The following ROR1 variants were observed in gnomAD, a reference collection of about 807,000 sequenced individuals.
ROR1 encodes inactive tyrosine-protein kinase transmembrane receptor ROR1.
A neutral mutation model predicts 78.8 loss-of-function variants in ROR1; 19 were observed. The observed-to-expected ratio is 0.24, with a 90% confidence interval of 0.17 to 0.35. The LOEUF (loss-of-function observed/expected upper bound fraction) is 0.35, where lower values mean the gene tolerates loss of function less well. ROR1 is among the 10% of genes least tolerant of loss of function. The probability of loss-of-function intolerance (pLI) is 1.00; values close to 1 mark genes in which losing one functional copy is unlikely to be tolerated. For synonymous variants in ROR1, 386 were observed against 433.6 expected (o/e 0.89, Z 1.36); for missense variants, 917 against 1,177.8 (o/e 0.78, Z 3.24).
chr1:63,776,962 T>A (rs911595766), intron 1 of ROR1, among the ~76,000 whole-genome samples: 1 of 152,218 alleles, frequency 6.6e-6, no homozygotes, highest in African/African-American at 2.4e-5. Flanking sequence ...GCTCAGGAAA[T>A]CAGCTTAAGC....
intron 1 of ROR1, among the ~76,000 whole-genome samples, chr1:63,856,767 G>A (rs2051448294): frequency 6.6e-6 from 1 of 152,044 alleles, no homozygotes; most frequent in Non-Finnish European, 1.5e-5. Context: ...CAATTATCCT[G>A]TTACTCCAAC....
intron 1 of ROR1, among the ~76,000 whole-genome samples, chr1:63,791,178 G>C (rs1644723894): frequency 6.6e-6 from 1 of 152,134 alleles, no homozygotes; most frequent in African/African-American, 2.4e-5. Context: ...GGGGCTACAG[G>C]ATTATCTGCT....
chr1:63,977,678 A>T (rs1464236804), intron 1 of ROR1, among the ~76,000 whole-genome samples: 1 of 152,126 alleles, frequency 6.6e-6, no homozygotes, highest in Non-Finnish European at 1.5e-5. Flanking sequence ...TCACCATGTG[A>T]TTGTGCCTTG....
At chr1:64,062,792 A>G (rs545773147) in intron 4 of ROR1, among the ~76,000 whole-genome samples, 1 of 152,330 alleles carries the variant, frequency 6.6e-6, no homozygotes, top group South Asian at 2.1e-4. Context: ...CACAACAAAC[A>G]TAGCTAATGA....
At chr1:64,133,010 G>T (rs1648976753) in intron 4 of ROR1, among the ~76,000 whole-genome samples, 1 of 152,104 alleles carries the variant, frequency 6.6e-6, no homozygotes. Context: ...TGGCCTGTCA[G>T]TGGTAAGGTG....
At chr1:63,832,714 T>C (rs1644995556) in intron 1 of ROR1, among the ~76,000 whole-genome samples, 3 of 152,268 alleles carry the variant, frequency 2.0e-5, no homozygotes. Flanking sequence ...AGCTGATTGA[T>C]GTATTCAGAA....
intron 4 of ROR1, among the ~76,000 whole-genome samples, chr1:64,116,457 C>A (rs1476443945): frequency 6.6e-6 from 1 of 152,212 alleles, no homozygotes; most frequent in African/African-American, 2.4e-5. Context: ...AAGAATACCC[C>A]TTTTTAAATG....
intron 1 of ROR1, among the ~76,000 whole-genome samples, chr1:63,849,962 C>T (rs1055434849): frequency 6.6e-6 from 1 of 152,020 alleles, no homozygotes; most frequent in Non-Finnish European, 1.5e-5. Context: ...CCCAGTGTAC[C>T]CCTCCTAAAT....
intron 4 of ROR1, among the ~76,000 whole-genome samples, chr1:64,071,176 G>A (rs775934263): frequency 6.6e-6 from 1 of 152,210 alleles, no homozygotes. Context: ...ACTTAGCTGT[G>A]CAAGCCAGTG....
At chr1:63,818,181 C>T (rs1431157226) in intron 1 of ROR1, among the ~76,000 whole-genome samples, 3 of 152,260 alleles carry the variant, frequency 2.0e-5, no homozygotes, top group East Asian at 3.9e-4. Context: ...TTACTCTTCT[C>T]ATATACCCTA....
intron 1 of ROR1, among the ~76,000 whole-genome samples, chr1:63,820,926 A>C (rs1222493752): frequency 6.6e-6 from 1 of 152,186 alleles, no homozygotes; most frequent in Non-Finnish European, 1.5e-5. Context: ...AATCTCTGAC[A>C]TGTAAGCCCT....
At chr1:64,030,750 A>G (rs186825593) in intron 2 of ROR1, among the ~76,000 whole-genome samples, 5 of 152,336 alleles carry the variant, frequency 3.3e-5, no homozygotes, top group Non-Finnish European at 5.9e-5. Context: ...AAATAGACCT[A>G]TAAAACCTAA....
intron 4 of ROR1, among the ~76,000 whole-genome samples, chr1:64,134,275 A>C (rs560225949): frequency 6.6e-5 from 10 of 152,320 alleles, no homozygotes; most frequent in African/African-American, 2.2e-4. Context: ...AAAACTTAGC[A>C]GTATCTGATA....
chr1:64,103,054 T>C (rs1036790103), intron 4 of ROR1, among the ~76,000 whole-genome samples: 1 of 152,194 alleles, frequency 6.6e-6, no homozygotes, highest in African/African-American at 2.4e-5. Flanking sequence ...GCTCTTCTTA[T>C]GAACATCTGG....
At chr1:63,951,853 C>G (rs1645942038) in intron 1 of ROR1, among the ~76,000 whole-genome samples, 1 of 151,966 alleles carries the variant, frequency 6.6e-6, no homozygotes, top group African/African-American at 2.4e-5. Flanking sequence ...TTGGTGTAGT[C>G]TAAGAGCCTT....
intron 1 of ROR1, among the ~76,000 whole-genome samples, chr1:63,919,156 A>T (rs1038871355): frequency 5.3e-4 from 80 of 152,282 alleles, no homozygotes; most frequent in African/African-American, 1.5e-3. Context: ...CAAGCATTTT[A>T]AAAAAATGCC....
At chr1:63,924,930 T>A (rs1645687293) in intron 1 of ROR1, among the ~76,000 whole-genome samples, 1 of 141,238 alleles carries the variant, frequency 7.1e-6, no homozygotes. Context: ...GCAAAGGGGA[T>A]GCTTTTTTTT....
At chr1:64,063,262 C>T (rs1305007811) in intron 4 of ROR1, among the ~76,000 whole-genome samples, 2 of 152,202 alleles carry the variant, frequency 1.3e-5, no homozygotes, top group African/African-American at 4.8e-5. Flanking sequence ...TCATCGTCAA[C>T]TCATTATCTT....
chr1:64,092,838 T>C (rs1647213008), intron 4 of ROR1, among the ~76,000 whole-genome samples: 2 of 152,220 alleles, frequency 1.3e-5, no homozygotes, highest in Non-Finnish European at 2.9e-5. Context: ...GAGAATAATC[T>C]GCTTTTCATT....
Sources: allele counts gnomAD v4.1 joint callset (sites outside exome capture counted in the v4.1 genomes callset), GRCh38; gene constraint gnomAD v4.1.1; transcripts MANE v1.5; gene names NCBI Gene and HGNC (gene_info 2026-07-23, HGNC 2026-07-21).